The following GARNL3 variants were observed in gnomAD, a reference collection of about 807,000 sequenced individuals.
The protein encoded by GARNL3 is GTPase activating Rap/RanGAP domain like 3, also known as GTPase-activating Rap/Ran-GAP domain-like protein 3.
In GARNL3, 63 loss-of-function variants were observed where a neutral mutation model predicts 125.0. That is an observed-to-expected ratio of 0.50 (90% confidence interval 0.41 to 0.62). The LOEUF is 0.62. Among genes scored for constraint, GARNL3 ranks in the 20% least tolerant of loss-of-function variants. GARNL3 has a pLI of 0.00. For missense variants in GARNL3, 994 were observed against 1,244.0 expected, an observed-to-expected ratio of 0.80 and a Z score of 3.02; for synonymous variants, 439 against 457.5, an observed-to-expected ratio of 0.96 and a Z score of 0.52.
chr9:127,350,155 A>G (rs781766176), intron 17 of GARNL3, among the ~76,000 whole-genome samples: 8 of 152,258 alleles, frequency 5.3e-5, no homozygotes, highest in Admixed American at 1.3e-4. Context: ...CTTAAGGCAG[A>G]TAATTTAAAA....
At chr9:127,234,104 A>G (rs960823746) in intron 1 of GARNL3, among the ~76,000 whole-genome samples, 22 of 152,244 alleles carry the variant, frequency 1.4e-4, no homozygotes, top group African/African-American at 5.3e-4. Context: ...AAAGACTATT[A>G]AAAGCTGTCT....
rs553147944 is a variant in GARNL3 at position 127,385,416 on chromosome 9, C to G, written c.2388+271C>G. 6.6e-6 allele frequency among the ~76,000 whole-genome samples: 1 copy of G among 152,222 alleles called. No individual in the cohort carries two copies. Among genetic ancestry groups the G allele is most frequent in the Non-Finnish European group, 1.5e-5 (1 of 68,012 alleles). ...GAGCACTTAGCTGAAAAGAGATATC[C>G]CCGCTCAGAGACTGGGTCAGTTATT... On this transcript the variant is annotated intron_variant, in intron 24 of 27. Coordinates refer to ENST00000373387, the MANE Select transcript of GARNL3 (RefSeq NM_032293.5). This position sits in a 1 kb window ranked among gnomAD's most constrained non-coding sequence, Gnocchi z 4.1.
intron 9 of GARNL3, 103 bp from the exon 10 acceptor site, chr9:127,335,127 G>A: frequency 1.3e-6 from 1 of 784,798 alleles, no homozygotes; most frequent in Non-Finnish European, 2.2e-6. Flanking sequence ...CAAATATCTT[G>A]GAGAATGTCC....
Position 127,339,666 on chromosome 9 carries a change from G to T in GARNL3, c.1050G>T (p.Glu350Asp), listed in dbSNP as rs765595052. The T allele has an allele frequency of 6.2e-6, 10 of 1,612,742 alleles. No individual in the cohort carries two copies. Among genetic ancestry groups the T allele is most frequent in the Non-Finnish European group, 8.5e-6 (10 of 1,178,730 alleles). ...TTAGGCTGAAAATATTTTCAGAAGA[G>T]AGCGTACCACTCTTTGGCCCTCCCT... Reference protein sequence around the residue: ...DNYRLKIFSEESVPLFGPPLP... With the variant: ...DNYRLKIFSEDSVPLFGPPLP... The change falls in exon 13 of 28, where the codon GAG (glutamate) becomes GAT (aspartate). Residue 350 changes from glutamate to aspartate, a missense_variant. This residue lies in a region of GARNL3 where 728 missense variants were observed against 865.7 expected (regional missense o/e 0.84). Transcript: ENST00000373387.
intron 4 of GARNL3, among the ~76,000 whole-genome samples, chr9:127,314,354 G>T (rs546441321): frequency 6.6e-6 from 1 of 152,134 alleles, no homozygotes. Context: ...TAAGATTCCC[G>T]TGCAAGGCCA....
intron 1 of GARNL3, among the ~76,000 whole-genome samples, chr9:127,233,440 A>C (rs758880772): frequency 7.2e-5 from 11 of 152,158 alleles, no homozygotes; most frequent in Non-Finnish European, 1.3e-4. Context: ...GAAGAAGGGA[A>C]TTGATATTGG....
At chr9:127,241,116 C>G (rs957101539) in intron 1 of GARNL3, among the ~76,000 whole-genome samples, 8 of 152,172 alleles carry the variant, frequency 5.3e-5, no homozygotes, top group African/African-American at 1.9e-4. Flanking sequence ...GACAGCTCAG[C>G]GTCAGTCACA....
chr9:127,383,613 C>A, intron 23 of GARNL3, 68 bp downstream of exon 23: 1 of 1,025,158 alleles, frequency 9.8e-7, no homozygotes, highest in Non-Finnish European at 1.5e-6. Flanking sequence ...TAAGCAAATC[C>A]TATGTAAGCA....
rs1588671277 is a variant in GARNL3, at chr9:127,241,834, C to A, written c.-28-1245C>A. 2.6e-5 allele frequency among the ~76,000 whole-genome samples: 4 copies of A among 152,264 alleles called. 1 individual carries two copies. The highest frequency in any genetic ancestry group is 9.6e-5 in the African/African-American group (4 of 41,544). On this transcript the variant is annotated intron_variant, in intron 1 of 10. Transcript: ENST00000439286. Reference sequence around the variant, plus strand: ...CCAGGCTGAAGTGCAGTGGTGCAATCTCGGCTCACTGCAACCTCTACCTCC... The same window carrying A: ...CCAGGCTGAAGTGCAGTGGTGCAATATCGGCTCACTGCAACCTCTACCTCC...
At chr9:127,262,004 G>A (rs893338453), upstream of GARNL3, among the ~76,000 whole-genome samples, 1 of 152,184 alleles carries the variant, frequency 6.6e-6, no homozygotes, top group Non-Finnish European at 1.5e-5. Context: ...CTGCAGGCTT[G>A]CTGAGTACAT....
intron 1 of GARNL3, 99 bp from the exon 2 acceptor site, chr9:127,291,069 C>T: frequency 1.6e-6 from 2 of 1,248,078 alleles, no homozygotes. Flanking sequence ...CTGGGCACTC[C>T]AGCCTGTGTC....
intron 26 of GARNL3, 75 bp from the exon 27 acceptor site, chr9:127,390,566 G>T: frequency 1.4e-6 from 2 of 1,443,348 alleles, no homozygotes; most frequent in Non-Finnish European, 1.9e-6. Flanking sequence ...TCCCAACCAA[G>T]AAAAAATAAG....
In GARNL3 at chr9:127,364,681, G is replaced by C. The variant is rs1831187926; in HGVS notation, c.2095-619G>C. 6.6e-6 allele frequency: 1 copy of C among 152,272 alleles called. No individual in the cohort carries two copies. The highest frequency in any genetic ancestry group is 6.5e-5 in the Admixed American group (1 of 15,278). 9.4% of individuals were successfully genotyped at this position (152,272 alleles called of 1,614,324 possible). Reference sequence around the variant, plus strand: ...TGCACCATGCTGCCTCTCTTGACATGAAGAACAGAGAAAGAATAAAGTGTG... The same window carrying C: ...TGCACCATGCTGCCTCTCTTGACATCAAGAACAGAGAAAGAATAAAGTGTG... On this transcript the variant is annotated intron_variant, in intron 21 of 27. Coordinates refer to ENST00000373387, the MANE Select transcript of GARNL3 (RefSeq NM_032293.5). This position sits in a 1 kb window ranked among gnomAD's most constrained non-coding sequence, Gnocchi z 4.2.
chr9:127,388,753 C>T (rs7848126), intron 25 of GARNL3, 151 bp from the exon 26 acceptor site: 2 of 622,776 alleles, frequency 3.2e-6, no homozygotes, highest in Non-Finnish European at 5.7e-6. Flanking sequence ...CAAATCAGTG[C>T]TCCTGGCCAG....
chr9:127,374,457 A>C (rs983887420), intron 22 of GARNL3, among the ~76,000 whole-genome samples: 2 of 152,220 alleles, frequency 1.3e-5, no homozygotes, highest in African/African-American at 4.8e-5. Context: ...GGATTGGCAA[A>C]AGTTTCTTAG....
chr9:127,326,107 A>C (rs1000748813), intron 7 of GARNL3, among the ~76,000 whole-genome samples: 1 of 152,306 alleles, frequency 6.6e-6, no homozygotes, highest in South Asian at 2.1e-4. Context: ...TGTCCCCCAG[A>C]TGTCCTCACT....
chr9:127,324,479 T>A (rs1346893118), intron 6 of GARNL3, among the ~76,000 whole-genome samples: 1 of 152,106 alleles, frequency 6.6e-6, no homozygotes, highest in Admixed American at 6.5e-5. Flanking sequence ...CTCTGCACTG[T>A]CCCCATGGCT....
At position 127,333,337 on chromosome 9, in the gene GARNL3, A is replaced by G. The variant is rs547860789; in HGVS notation, c.769+216A>G. Among the ~76,000 whole-genome samples the G allele has an allele frequency of 3.3e-5, 5 of 152,290 alleles. No homozygotes were observed. The South Asian group carries it at 1.0e-3, about 32-fold the overall frequency. On this transcript the variant is annotated intron_variant, in intron 9 of 27. Coordinates refer to ENST00000373387, the MANE Select transcript of GARNL3 (RefSeq NM_032293.5). ...TAAATCAGCCCTCACAGCCCTGGAC[A>G]GTGTCAGAAGTCCTGGTCTGCCCAT...
chr9:127,356,303 C>T (rs10987606), intron 20 of GARNL3: 2,714 of 152,038 alleles, frequency 0.018, 91 homozygotes, highest in East Asian at 0.15. Flanking sequence ...GGGAAGAAGC[C>T]GTGGGCAATG....
Sources: gnomAD v4.1 joint callset for allele counts (sites outside exome capture counted in the v4.1 genomes callset) on GRCh38, gnomAD v4.1.1 for gene constraint, gnomAD v4.1.1 regional missense constraint, Gnocchi (gnomAD v3.1) non-coding constraint, MANE v1.5 for transcripts, NCBI Gene and HGNC (gene_info 2026-07-23, HGNC 2026-07-21) for gene names.